The following CLEC19A variants were observed in gnomAD, a reference collection of about 807,000 sequenced individuals.
CLEC19A encodes C-type lectin domain family 19 member A.
CLEC19A carries 21 observed loss-of-function variants against 26.1 expected under a neutral mutation model. That is an observed-to-expected ratio of 0.80 (90% CI 0.57 to 1.16). The LOEUF (loss-of-function observed/expected upper bound fraction) is 1.16, where lower values mean the gene tolerates loss of function less well. Ranked by LOEUF, CLEC19A falls within the 50% of genes most tolerant of loss-of-function variation. The pLI is 0.00. For synonymous variants in CLEC19A, 89 were observed against 88.6 expected (o/e 1.00, Z -0.03); for missense variants, 224 against 227.6 (o/e 0.98, Z 0.10).
intron 3 of CLEC19A, chr16:19,304,359 G>A (rs1897903761): frequency 7.1e-6 from 3 of 420,188 alleles, no homozygotes; most frequent in Non-Finnish European, 1.3e-5. Flanking sequence ...GGAACAGATA[G>A]CATGGTCAGA....
In CLEC19A at chr16:19,309,019, A is replaced by C. The variant is rs781465909; in HGVS notation, c.497A>C (p.Asn166Thr). Residue 166 changes from asparagine (N) to threonine (T), a missense_variant, in exon 5 of 5, where the codon AAT (asparagine) becomes ACT (threonine). Physicochemically the swap from Asn to Thr is moderately conservative, Grantham distance 65. Transcript: ENST00000636231. ...TCCATCACAGCTCTGAGGTCATGGAATGATAACACCTGCAGCCGGAAGTTC... is the reference window on the plus strand; with the variant it reads ...TCCATCACAGCTCTGAGGTCATGGACTGATAACACCTGCAGCCGGAAGTTC... ...YRPTSALRSW[N>T]DNTCSRKFPF... 6 of 1,548,326 alleles carry C rather than the reference A, an allele frequency of 3.9e-6. No individual in the cohort carries two copies. In the East Asian group the frequency reaches 1.5e-4, roughly 38 times the overall value.
chr16:19,298,059 T>C (rs1439624162), intron 1 of CLEC19A, among the ~76,000 whole-genome samples: 1 of 151,968 alleles, frequency 6.6e-6, no homozygotes, highest in Non-Finnish European at 1.5e-5. Context: ...GAGAGCAGCC[T>C]GACCAACATG....
rs149713343 is a variant in CLEC19A at position 19,301,734 on chromosome 16, TG to T, written c.255-2326del. On this transcript the variant is annotated intron_variant, in intron 2 of 4. Transcript: ENST00000636231. The stretch of plus-strand genomic sequence containing the variant: ...GCATGACACCATGCCCAGGTTTTTT[TG>T]GTTTTTTTTTTTTTTTTTTTTTTTT... Among the ~76,000 whole-genome samples, 190 of 85,770 alleles carry T rather than the reference TG, an allele frequency of 2.2e-3. 5 individuals are homozygous for T. The highest frequency in any genetic ancestry group is 4.7e-3 in the East Asian group (10 of 2,128). 56.3% of individuals were successfully genotyped at this position (85,770 alleles called of 152,430 possible). A position where few individuals can be genotyped will look rare whatever the true frequency, so the allele number is the denominator to read the frequency against.
In CLEC19A at chr16:19,309,119, G is replaced by A. The variant is rs1297822232; in HGVS notation, c.*36G>A. Reference sequence around the variant, plus strand: ...TCCTACTGGTGTGAGCTCAACTCTAGTATCATCTTGTAGCTGTAACCAGTG... The same window carrying A: ...TCCTACTGGTGTGAGCTCAACTCTAATATCATCTTGTAGCTGTAACCAGTG... On this transcript the variant is annotated 3_prime_UTR_variant, in exon 5 of 5. Transcript: ENST00000636231. 2 of 1,431,900 alleles carry A rather than the reference G, an allele frequency of 1.4e-6. No individual in the cohort carries two copies. Among genetic ancestry groups the A allele is most frequent in the Non-Finnish European group, 1.9e-6 (2 of 1,040,446 alleles). 88.7% of individuals were successfully genotyped at this position (1,431,900 alleles called of 1,614,324 possible).
Position 19,307,549 on chromosome 16 carries a change from G to A in CLEC19A, c.353G>A (p.Gly118Glu), listed in dbSNP as rs1056333047. The A allele has an allele frequency of 1.3e-6, 2 of 1,547,932 alleles. No individual in the cohort carries two copies. Among genetic ancestry groups the A allele is most frequent in the African/African-American group, 2.7e-5 (2 of 72,932 alleles). ...WTGLHDHRQEGQFEWTDGSSY... is the reference protein window; with the variant it reads ...WTGLHDHRQEEQFEWTDGSSY... ...CTTTGGGTGGAACCCTCCCAGGAAG[G>A]GCAGTTTGAATGGACTGATGGCTCA... Residue 118 changes from glycine (G) to glutamate (E), a missense_variant, in exon 4 of 5, where the codon GGG becomes GAG. Transcript: ENST00000636231.
chr16:19,293,822 C>T (rs1406436548), intron 1 of CLEC19A, among the ~76,000 whole-genome samples: 1 of 152,178 alleles, frequency 6.6e-6, no homozygotes. Context: ...TATTTTGATA[C>T]AGGCATACAG....
intron 1 of CLEC19A, among the ~76,000 whole-genome samples, chr16:19,289,070 G>A (rs1296398361): frequency 1.3e-5 from 2 of 152,170 alleles, no homozygotes; most frequent in African/African-American, 2.4e-5. Context: ...GTACAGATTA[G>A]AAAACTGAGG....
chr16:19,309,189 T>G lies in CLEC19A; in HGVS notation c.*106T>G. ...ATGTAAAACATACATAGGAAGTAAA[T>G]CTCTTGGACAGAGATTTTAAACAAG... On this transcript the variant is annotated 3_prime_UTR_variant, in exon 5 of 5. Coordinates refer to ENST00000636231, the MANE Select transcript of CLEC19A (RefSeq NM_001256720.2). 1 of 827,500 alleles carries G rather than the reference T, an allele frequency of 1.2e-6. No individual in the cohort carries two copies. The highest frequency in any genetic ancestry group is 2.9e-5 in the East Asian group (1 of 34,802). The allele number at this position is 827,500 out of a possible 1,614,324, so 51.3% of individuals were successfully genotyped here. A position where few individuals can be genotyped will look rare whatever the true frequency, so the allele number is the denominator to read the frequency against.
chr16:19,303,401 T>G (rs1025305931), intron 2 of CLEC19A, among the ~76,000 whole-genome samples: 1 of 152,194 alleles, frequency 6.6e-6, no homozygotes, highest in Non-Finnish European at 1.5e-5. Flanking sequence ...TTGTTGTTTT[T>G]GGGAGTGGAC....
intron 2 of CLEC19A, among the ~76,000 whole-genome samples, chr16:19,299,323 TA>T (rs1357425653): frequency 2.0e-5 from 3 of 152,256 alleles, no homozygotes; most frequent in Non-Finnish European, 2.9e-5. Context: ...ATCATGACAT[TA>T]AAACTCCCTC....
Position 19,309,629 on chromosome 16 carries a change from GTAATTTTTTTTT to G in CLEC19A, c.*548_*559del, listed in dbSNP as rs1392661671. Reference sequence around the variant, plus strand: ...TGTATTCCTGAAATTTGCTACGAGAGTAATTTTTTTTTTTGAGACAGAGTCTCACTCTGTTGC... The same window carrying G: ...TGTATTCCTGAAATTTGCTACGAGAGTTGAGACAGAGTCTCACTCTGTTGC... On this transcript the variant is annotated 3_prime_UTR_variant, in exon 5 of 5. Coordinates refer to ENST00000636231, the MANE Select transcript of CLEC19A (RefSeq NM_001256720.2). 1 of 151,984 alleles carries G rather than the reference GTAATTTTTTTTT, an allele frequency of 6.6e-6. No individual in the cohort carries two copies. The highest frequency in any genetic ancestry group is 6.6e-5 in the Admixed American group (1 of 15,238). The allele number at this position is 151,984 out of a possible 1,614,324, so 9.4% of individuals were successfully genotyped here.
At chr16:19,298,912 C>A in intron 2 of CLEC19A, 74 bp downstream of exon 2, 1 of 1,403,244 alleles carries the variant, frequency 7.1e-7, no homozygotes, top group Non-Finnish European at 9.5e-7. Context: ...ATGGTATTTC[C>A]AACTGGCATT....
chr16:19,301,766 T>TTTTTTTTTTTTTTTTTTTTA (rs1291095115), intron 2 of CLEC19A, among the ~76,000 whole-genome samples: 1 of 116,096 alleles, frequency 8.6e-6, no homozygotes, highest in Non-Finnish European at 1.8e-5. Context: ...TTTTTTTTTG[T>TTTTTTTTTTTTTTTTTTTTA]ATTTTTAGCA....
At chr16:19,297,957 T>G (rs538243838) in intron 1 of CLEC19A, among the ~76,000 whole-genome samples, 2 of 152,166 alleles carry the variant, frequency 1.3e-5, no homozygotes, top group Non-Finnish European at 2.9e-5. Context: ...CTTAAAAGTA[T>G]GTACAGGTGG....
rs562436877 is a variant in CLEC19A at position 19,288,729 on chromosome 16, T to G, written c.88+2790T>G. Among the ~76,000 whole-genome samples, 16 of 152,308 alleles carry G rather than the reference T, an allele frequency of 1.1e-4. No homozygotes were observed. In the South Asian group the frequency reaches 3.3e-3, roughly 32 times the overall value. ...TGTCTGGCACCCAGTAAGAGCTACG[T>G]AAACATTTATTATTCTTCTTCGACC... On this transcript the variant is annotated intron_variant, in intron 1 of 4. Transcript: ENST00000636231.
At position 19,307,733 on chromosome 16, in the gene CLEC19A, G is replaced by A. The variant is rs1031588680; in HGVS notation, c.481+56G>A. ...GGGGAGCCCAGGAGGTGTCACAGGT[G>A]GGGAGAGCGGAGAAGGGCCTTGGGG... On this transcript the variant is annotated intron_variant, in intron 4 of 4. Coordinates refer to ENST00000636231, the MANE Select transcript of CLEC19A (RefSeq NM_001256720.2). 5.8e-6 allele frequency: 9 copies of A among 1,540,930 alleles called. No individual in the cohort carries two copies. In the African/African-American group the frequency reaches 6.9e-5, roughly 12 times the overall value.
At chr16:19,302,432 C>T (rs944970970) in intron 2 of CLEC19A, among the ~76,000 whole-genome samples, 1 of 152,150 alleles carries the variant, frequency 6.6e-6, no homozygotes, top group African/African-American at 2.4e-5. Flanking sequence ...ATAAAGGGTA[C>T]CTCAACATAG....
At chr16:19,287,520 A>G (rs1036760382) in intron 1 of CLEC19A, among the ~76,000 whole-genome samples, 1 of 152,162 alleles carries the variant, frequency 6.6e-6, no homozygotes, top group Non-Finnish European at 1.5e-5. Context: ...TTACTCTCGG[A>G]CCTCAGTTTC....
At chr16:19,290,330 C>T (rs761153513) in intron 1 of CLEC19A, among the ~76,000 whole-genome samples, 4 of 151,260 alleles carry the variant, frequency 2.6e-5, no homozygotes, top group Non-Finnish European at 5.9e-5. Context: ...CTCCCCTCTG[C>T]CTCTCTCCCT....
Sources: allele counts gnomAD v4.1 joint callset (sites outside exome capture counted in the v4.1 genomes callset), GRCh38; gene constraint gnomAD v4.1.1; transcripts MANE v1.5; gene names NCBI Gene and HGNC (gene_info 2026-07-23, HGNC 2026-07-21).